Variants in ENTREP2 observed in about 807,000 individuals in gnomAD.
ENTREP2 encodes the protein endosomal transmembrane epsin interactor 2, also known as protein ENTREP2.
the ENTREP2 span, among the ~76,000 whole-genome samples, chr15:29,152,647 G>A: frequency 8.5e-5 from 13 of 152,190 alleles, no homozygotes; most frequent in Non-Finnish European, 1.8e-4. Context: ...CCATATGGAT[G>A]TACCACATTG....
the ENTREP2 span, among the ~76,000 whole-genome samples, chr15:29,418,343 A>C: frequency 6.6e-6 from 1 of 152,178 alleles, no homozygotes; most frequent in Non-Finnish European, 1.5e-5. Flanking sequence ...AGTGGCAAAC[A>C]GGTGGCAACT....
At chr15:29,460,101 T>TA in the ENTREP2 span, among the ~76,000 whole-genome samples, 7 of 151,532 alleles carry the variant, frequency 4.6e-5, no homozygotes, top group Non-Finnish European at 8.8e-5. Flanking sequence ...ATTTTTTTTT[T>TA]AATAGCTGGG....
the ENTREP2 span, among the ~76,000 whole-genome samples, chr15:29,260,695 C>A: frequency 3.3e-5 from 5 of 152,106 alleles, no homozygotes; most frequent in Admixed American, 3.3e-4. Context: ...GGTGGGGATA[C>A]AGACGAAATA....
At chr15:29,204,337 TTACAGAAG>T in the ENTREP2 span, among the ~76,000 whole-genome samples, 5 of 152,190 alleles carry the variant, frequency 3.3e-5, no homozygotes, top group Non-Finnish European at 7.3e-5. Flanking sequence ...CACGATTCTC[TTACAGAAG>T]TACAAATGGG....
the ENTREP2 span, among the ~76,000 whole-genome samples, chr15:29,657,483 C>CGGGGGGG: frequency 3.6e-4 from 25 of 69,350 alleles, no homozygotes; most frequent in African/African-American, 8.4e-4. Flanking sequence ...GCTGGGGGGG[C>CGGGGGGG]GGGGGGGGGG....
the ENTREP2 span, among the ~76,000 whole-genome samples, chr15:29,276,750 T>C: frequency 6.6e-6 from 1 of 152,240 alleles, no homozygotes; most frequent in East Asian, 1.9e-4. Flanking sequence ...CATCTCCTTT[T>C]GCTTAATCTG....
At chr15:29,223,692 A>G in the ENTREP2 span, among the ~76,000 whole-genome samples, 2 of 152,072 alleles carry the variant, frequency 1.3e-5, no homozygotes, top group East Asian at 1.9e-4. Context: ...GAACTCCTGT[A>G]GTGGCGCTCC....
At chr15:29,243,242 T>TATTC in the ENTREP2 span, among the ~76,000 whole-genome samples, 1 of 152,186 alleles carries the variant, frequency 6.6e-6, no homozygotes, top group East Asian at 1.9e-4. Context: ...ATCCAAAAAC[T>TATTC]ATTCCTATAC....
At chr15:29,353,513 A>G in the ENTREP2 span, among the ~76,000 whole-genome samples, 1 of 152,174 alleles carries the variant, frequency 6.6e-6, no homozygotes, top group Non-Finnish European at 1.5e-5. Flanking sequence ...GGGTGTGTGT[A>G]TGTTGCATGG....
the ENTREP2 span, among the ~76,000 whole-genome samples, chr15:29,513,890 C>T: frequency 4.6e-5 from 7 of 152,188 alleles, no homozygotes; most frequent in Non-Finnish European, 8.8e-5. Context: ...TGGCGCTGTT[C>T]TTGACCATCC....
the ENTREP2 span, among the ~76,000 whole-genome samples, chr15:29,281,066 C>T: frequency 9.2e-5 from 14 of 152,206 alleles, no homozygotes; most frequent in East Asian, 2.7e-3. Flanking sequence ...ATTTTCCTTC[C>T]ACATTTACCT....
the ENTREP2 span, among the ~76,000 whole-genome samples, chr15:29,333,271 G>A: frequency 1.3e-5 from 2 of 152,140 alleles, no homozygotes; most frequent in Non-Finnish European, 2.9e-5. Context: ...GCCACCATAA[G>A]CAGAAAATAG....
At chr15:29,207,455 C>CGGGGTGGGGGGG in the ENTREP2 span, among the ~76,000 whole-genome samples, 1 of 123,000 alleles carries the variant, frequency 8.1e-6, no homozygotes, top group Non-Finnish European at 1.7e-5. Flanking sequence ...GGTTGGGGGG[C>CGGGGTGGGGGGG]GGGGGGGGTG....
chr15:29,499,820 A>G, the ENTREP2 span, among the ~76,000 whole-genome samples: 1 of 152,208 alleles, frequency 6.6e-6, no homozygotes, highest in African/African-American at 2.4e-5. Flanking sequence ...AGAATAAATT[A>G]GAAACTTGTG....
the ENTREP2 span, among the ~76,000 whole-genome samples, chr15:29,362,367 C>CTTTT: frequency 1.3e-3 from 120 of 91,494 alleles, no homozygotes; most frequent in African/African-American, 2.8e-3. Context: ...TGTTTTTAAT[C>CTTTT]TTTTTTTTTT....
chr15:29,175,268 C>T, the ENTREP2 span, among the ~76,000 whole-genome samples: 2 of 152,138 alleles, frequency 1.3e-5, no homozygotes, highest in East Asian at 1.9e-4. Context: ...ATAAATGATA[C>T]GTGTACCTCA....
chr15:29,266,978 T>G, the ENTREP2 span: 1 of 152,116 alleles, frequency 6.6e-6, no homozygotes, highest in South Asian at 2.1e-4. Context: ...TCAGAGGGCA[T>G]GAGGAGGAGA....
chr15:29,590,362 A>G, the ENTREP2 span, among the ~76,000 whole-genome samples: 1 of 152,110 alleles, frequency 6.6e-6, no homozygotes, highest in South Asian at 2.1e-4. Flanking sequence ...TTCACGTCAC[A>G]GGTTCTGAAA....
chr15:29,368,483 AAAAGAACT>A, the ENTREP2 span, among the ~76,000 whole-genome samples: 1 of 152,106 alleles, frequency 6.6e-6, no homozygotes, highest in East Asian at 1.9e-4. Flanking sequence ...TAAACGTATT[AAAAGAACT>A]AAAGCAAACT....
Sources: allele counts gnomAD v4.1 joint callset (sites outside exome capture counted in the v4.1 genomes callset), GRCh38; gene constraint gnomAD v4.1.1; transcripts MANE v1.5; gene names NCBI Gene and HGNC (gene_info 2026-07-23, HGNC 2026-07-21).